NPAS3: variants seen among roughly 807,000 people sequenced by gnomAD.
NPAS3 encodes neuronal PAS domain protein 3.
A neutral mutation model predicts 73.1 loss-of-function variants in NPAS3; 14 were observed. The observed-to-expected ratio is 0.19, with a 90% CI of 0.13 to 0.30. The LOEUF (loss-of-function observed/expected upper bound fraction) is 0.30. Among genes scored for constraint, NPAS3 ranks in the 10% least tolerant of loss-of-function variants. The pLI, the probability that NPAS3 is intolerant of heterozygous loss-of-function variation, is 1.00. For synonymous variants in NPAS3, 620 were observed against 541.5 expected (o/e 1.14, Z -2.01); for missense variants, 1,096 against 1,250.0 (o/e 0.88, Z 1.86).
chr14:33,077,871 G>C (rs1486931125), intron 2 of NPAS3, among the ~76,000 whole-genome samples: 2 of 142,242 alleles, frequency 1.4e-5, no homozygotes, highest in South Asian at 4.5e-4. Context: ...TATATGACCG[G>C]GTGCAGTGGC....
At chr14:33,584,746 A>G (rs2056801756) in intron 5 of NPAS3, among the ~76,000 whole-genome samples, 1 of 152,228 alleles carries the variant, frequency 6.6e-6, no homozygotes, top group Admixed American at 6.5e-5. Flanking sequence ...GCATTTTTTT[A>G]GTACCTCCCA....
chr14:33,032,589 A>C (rs1452606378), intron 1 of NPAS3, among the ~76,000 whole-genome samples: 2 of 152,150 alleles, frequency 1.3e-5, no homozygotes, highest in South Asian at 4.1e-4. Flanking sequence ...GCATGGACTG[A>C]CAGAGATGGT....
intron 7 of NPAS3, among the ~76,000 whole-genome samples, chr14:33,745,014 G>C (rs2061752814): frequency 6.6e-6 from 1 of 152,156 alleles, no homozygotes; most frequent in South Asian, 2.1e-4. Context: ...GCTGAGGCAA[G>C]AGGATTGCTT....
intron 2 of NPAS3, among the ~76,000 whole-genome samples, chr14:33,153,196 C>T (rs1383328491): frequency 6.6e-5 from 10 of 151,654 alleles, no homozygotes; most frequent in Admixed American, 6.6e-4. Flanking sequence ...TAGTCTTTTT[C>T]TTGCAAGTTA....
chr14:33,500,796 A>G (rs1360093740), intron 4 of NPAS3, among the ~76,000 whole-genome samples: 2 of 151,934 alleles, frequency 1.3e-5, no homozygotes, highest in African/African-American at 4.8e-5. Flanking sequence ...ATCTCCAAAC[A>G]TGTTTTAAGT....
intron 4 of NPAS3, among the ~76,000 whole-genome samples, chr14:33,430,786 G>A (rs1440206124): frequency 2.0e-5 from 3 of 152,170 alleles, no homozygotes; most frequent in Non-Finnish European, 4.4e-5. Context: ...TGTTTAATGA[G>A]AGGAGTGGTG....
chr14:33,419,382 G>T (rs1594874148), intron 4 of NPAS3, among the ~76,000 whole-genome samples: 1 of 151,764 alleles, frequency 6.6e-6, no homozygotes, highest in Non-Finnish European at 1.5e-5. Flanking sequence ...ATTTTATATA[G>T]AGGCATGCTT....
At chr14:33,573,719 G>C (rs571520386) in intron 5 of NPAS3, among the ~76,000 whole-genome samples, 1 of 152,192 alleles carries the variant, frequency 6.6e-6, no homozygotes, top group African/African-American at 2.4e-5. Flanking sequence ...TTAGACCCTT[G>C]GGAGCTGTAA....
At chr14:33,074,865 A>C (rs962484431) in intron 2 of NPAS3, among the ~76,000 whole-genome samples, 1 of 152,156 alleles carries the variant, frequency 6.6e-6, no homozygotes, top group Non-Finnish European at 1.5e-5. Context: ...ATTTTTCTGA[A>C]CTGTTCATTA....
intron 2 of NPAS3, among the ~76,000 whole-genome samples, chr14:33,197,254 TG>T (rs2046394783): frequency 6.7e-6 from 1 of 148,568 alleles, no homozygotes; most frequent in Non-Finnish European, 1.5e-5. Flanking sequence ...TGTGTGTGTG[TG>T]TGTGTGTGTG....
chr14:33,576,359 C>A (rs561974663), intron 5 of NPAS3, among the ~76,000 whole-genome samples: 1 of 152,270 alleles, frequency 6.6e-6, no homozygotes, highest in East Asian at 1.9e-4. Flanking sequence ...CATGCCCTAC[C>A]CAAACTACGG....
intron 3 of NPAS3, among the ~76,000 whole-genome samples, chr14:33,335,488 C>T (rs2044184023): frequency 6.6e-6 from 1 of 152,128 alleles, no homozygotes; most frequent in Non-Finnish European, 1.5e-5. Context: ...GTAAGATAAG[C>T]TTTAAGGTTC....
Position 33,773,908 on chromosome 14 carries a change from G to T in NPAS3, c.853-429G>T, listed in dbSNP as rs191579113. 5.3e-4 allele frequency among the ~76,000 whole-genome samples: 80 copies of T among 152,260 alleles called. 2 individuals carry two copies. The East Asian group carries it at 0.015, about 29-fold the overall frequency. On this transcript the variant is annotated intron_variant, in intron 7 of 11. Transcript: ENST00000356141. ...AATATCAACCCCTGAACGAAGGAGG[G>T]CTCAGAAACCACACATCTGAAAGGA...
chr14:33,107,758 G>C (rs1009846453), intron 2 of NPAS3, among the ~76,000 whole-genome samples: 1 of 152,052 alleles, frequency 6.6e-6, no homozygotes, highest in Non-Finnish European at 1.5e-5. Context: ...ACAAGTTTAT[G>C]GGTTAGCTAA....
chr14:33,196,568 G>C (rs1372102626), intron 2 of NPAS3, among the ~76,000 whole-genome samples: 2 of 152,134 alleles, frequency 1.3e-5, no homozygotes, highest in East Asian at 3.9e-4. Flanking sequence ...AGCGGGATAA[G>C]ACCCTCCTCA....
At chr14:33,019,229 A>G (rs2039503081) in intron 1 of NPAS3, among the ~76,000 whole-genome samples, 1 of 152,226 alleles carries the variant, frequency 6.6e-6, no homozygotes, top group African/African-American at 2.4e-5. Flanking sequence ...GTTTGACCAT[A>G]ACTGCACATC....
chr14:33,452,571 G>A lies in NPAS3; in HGVS notation c.468+85303G>A, dbSNP rs577070467. On this transcript the variant is annotated intron_variant, in intron 4 of 11. Coordinates refer to ENST00000356141, the Ensembl canonical transcript of NPAS3. ...GCGGATCATGAGGTCAGGAGATCAAGACCATCCTGGCTAACACGGTGAAAC... is the reference window on the plus strand; with the variant it reads ...GCGGATCATGAGGTCAGGAGATCAAAACCATCCTGGCTAACACGGTGAAAC... Among the ~76,000 whole-genome samples the A allele has an allele frequency of 2.6e-5, 4 of 151,992 alleles. No homozygotes were observed. The South Asian group carries it at 8.3e-4, about 32-fold the overall frequency.
chr14:33,503,480 C>A (rs1004375821), intron 4 of NPAS3, among the ~76,000 whole-genome samples: 1 of 151,852 alleles, frequency 6.6e-6, no homozygotes, highest in Non-Finnish European at 1.5e-5. Context: ...ATTGGTGAAA[C>A]CGAGTGATAC....
At chr14:33,205,567 A>G (rs2046791673) in intron 2 of NPAS3, among the ~76,000 whole-genome samples, 1 of 152,206 alleles carries the variant, frequency 6.6e-6, no homozygotes, top group Admixed American at 6.5e-5. Flanking sequence ...GTCTTAAAAA[A>G]ACAGATAAGT....
Sources: gnomAD v4.1 joint callset for allele counts (sites outside exome capture counted in the v4.1 genomes callset) on GRCh38, gnomAD v4.1.1 for gene constraint, MANE v1.5 for transcripts, NCBI Gene and HGNC (gene_info 2026-07-23, HGNC 2026-07-21) for gene names.